The following INPP4B variants were observed in gnomAD, a reference collection of about 807,000 sequenced individuals.
INPP4B encodes the protein inositol polyphosphate 4-phosphatase type II.
In INPP4B, 55 loss-of-function variants were observed where a neutral mutation model predicts 122.5. The observed-to-expected ratio is 0.45, with a 90% CI of 0.36 to 0.56. The LOEUF (loss-of-function observed/expected upper bound fraction) is 0.56, where lower values mean the gene tolerates loss of function less well. INPP4B is among the 20% of genes least tolerant of loss of function. The pLI is 0.00. For missense variants in INPP4B, 1,000 were observed against 1,097.7 expected, an observed-to-expected ratio of 0.91 and a Z score of 1.26; for synonymous variants, 403 against 388.7, an observed-to-expected ratio of 1.04 and a Z score of -0.43.
At chr4:142,156,169 T>C (rs336393) in intron 17 of INPP4B, among the ~76,000 whole-genome samples, 102,780 of 151,632 alleles carry the variant, frequency 0.68, 38,817 homozygotes, top group East Asian at 0.9. Context: ...TAAGAATTGT[T>C]TTTCTAGTTT....
intron 2 of INPP4B, among the ~76,000 whole-genome samples, chr4:142,656,343 T>A (rs1754136553): frequency 6.6e-6 from 1 of 152,138 alleles, no homozygotes; most frequent in African/African-American, 2.4e-5. Flanking sequence ...CCTGCATCAT[T>A]TTTGGCGCCC....
chr4:142,029,812 A>G, intron 25 of INPP4B: 3 of 1,010,634 alleles, frequency 3.0e-6, no homozygotes, highest in Non-Finnish European at 3.5e-6. Flanking sequence ...TAATAAATTT[A>G]GTGGGATGAG....
intron 2 of INPP4B, among the ~76,000 whole-genome samples, chr4:142,628,407 G>T (rs1334647873): frequency 1.1e-5 from 1 of 93,410 alleles, no homozygotes; most frequent in Non-Finnish European, 2.1e-5. Context: ...TCTGGGGACT[G>T]TTGTGGGGTG....
chr4:142,119,760 C>T (rs1408231926), intron 21 of INPP4B, among the ~76,000 whole-genome samples: 1 of 151,558 alleles, frequency 6.6e-6, no homozygotes, highest in Non-Finnish European at 1.5e-5. Flanking sequence ...CAAACCTGCA[C>T]ATTGTGCACA....
At chr4:142,720,772 TC>T (rs1560996525) in intron 2 of INPP4B, among the ~76,000 whole-genome samples, 6 of 10,752 alleles carry the variant, frequency 5.6e-4, no homozygotes, top group African/African-American at 1.8e-3. Context: ...TCTCTCTCTC[TC>T]TCTCTCTCTC....
intron 9 of INPP4B, among the ~76,000 whole-genome samples, chr4:142,279,037 A>G (rs1237479835): frequency 6.6e-6 from 1 of 151,964 alleles, no homozygotes; most frequent in Admixed American, 6.6e-5. Flanking sequence ...AGAAATTGAA[A>G]TTTTAAAAAT....
intron 1 of INPP4B, among the ~76,000 whole-genome samples, chr4:142,818,441 C>CGTGTGTGT (rs10656794): frequency 1.3e-5 from 2 of 149,234 alleles, no homozygotes; most frequent in African/African-American, 5.0e-5. Flanking sequence ...GCAATTTAAA[C>CGTGTGTGT]GTGTGTGTGT....
chr4:142,473,443 C>T (rs1357508833), intron 2 of INPP4B: 1 of 152,338 alleles, frequency 6.6e-6, no homozygotes, highest in Non-Finnish European at 1.5e-5. Context: ...GGGACAAATG[C>T]AAGACTGGGA....
intron 2 of INPP4B, among the ~76,000 whole-genome samples, chr4:142,611,547 T>C (rs2150339398): frequency 6.6e-6 from 1 of 151,824 alleles, no homozygotes. Context: ...ATTTTTTCGT[T>C]TGTAAAAAAA....
rs11727850 is a variant in INPP4B, at chr4:142,402,509, T to G, written c.372+429A>C. Among the ~76,000 whole-genome samples, 744 of 152,276 alleles carry G rather than the reference T, an allele frequency of 4.9e-3. 3 individuals carry two copies. Among genetic ancestry groups the G allele is most frequent in the Admixed American group, 7.5e-3 (115 of 15,292 alleles). On this transcript the variant is annotated intron_variant, in intron 7 of 25. Coordinates refer to ENST00000262992, the MANE Select transcript of INPP4B (RefSeq NM_001101669.3). ...GTTTGCTTTGGTGCCAGTAACAACA[T>G]CAAGAAAAATGTAGTCAGTTTCTCT...
rs189697782 is a variant in INPP4B at position 142,244,541 on chromosome 4, G to A, written c.689-6530C>T. Among the ~76,000 whole-genome samples the A allele has an allele frequency of 2.6e-5, 4 of 151,964 alleles. No homozygotes were observed. The East Asian group carries it at 7.8e-4, about 30-fold the overall frequency. ...GATGGTCTTGAACTCCTGACCTCAT[G>A]ATGCACCTGCCTCAGCCTCCCAAAG... On this transcript the variant is annotated intron_variant, in intron 11 of 25. Coordinates refer to ENST00000262992, the MANE Select transcript of INPP4B (RefSeq NM_001101669.3).
At chr4:142,466,019 G>A (rs768784828) in intron 2 of INPP4B, among the ~76,000 whole-genome samples, 12 of 152,106 alleles carry the variant, frequency 7.9e-5, no homozygotes, top group Non-Finnish European at 1.3e-4. Flanking sequence ...CTAGCCTCAG[G>A]TATTCCTTTA....
chr4:142,192,354 A>AAAAG lies in INPP4B; in HGVS notation c.1181+732_1181+733insCTTT, dbSNP rs148371542. 6.6e-4 allele frequency among the ~76,000 whole-genome samples: 48 copies of AAAAG among 73,174 alleles called. 5 individuals carry two copies. Among genetic ancestry groups the AAAAG allele is most frequent in the Admixed American group, 9.9e-4 (5 of 5,026 alleles). The allele number at this position is 73,174 out of a possible 152,430, so 48.0% of individuals were successfully genotyped here. A position where few individuals can be genotyped will look rare whatever the true frequency, so the allele number is the denominator to read the frequency against. ...AAAGTAAAAAAAAAAAAAAAAAAAA[A>AAAAG]TGGGATTCTTAAGAAGAATAACTAT... On this transcript the variant is annotated intron_variant, in intron 15 of 25. Transcript: ENST00000262992.
intron 15 of INPP4B, among the ~76,000 whole-genome samples, chr4:142,183,046 C>G (rs1831583569): frequency 6.6e-6 from 1 of 152,130 alleles, no homozygotes; most frequent in South Asian, 2.1e-4. Flanking sequence ...GGTCCTTGCT[C>G]CCTGCCCAGC....
intron 7 of INPP4B, among the ~76,000 whole-genome samples, chr4:142,331,765 G>C (rs1329598039): frequency 1.3e-5 from 2 of 152,168 alleles, no homozygotes; most frequent in African/African-American, 4.8e-5. Flanking sequence ...TCCAGGGTCA[G>C]TTTTAAGTGC....
chr4:142,166,021 T>C (rs1822555781), intron 16 of INPP4B, among the ~76,000 whole-genome samples: 1 of 151,738 alleles, frequency 6.6e-6, no homozygotes, highest in African/African-American at 2.4e-5. Flanking sequence ...TAAGTCTTCT[T>C]TGGTGAAGTA....
rs185483393 is a variant in INPP4B at position 142,156,874 on chromosome 4, A to C, written c.1563+3484T>G. Among the ~76,000 whole-genome samples, 18 of 152,250 alleles carry C rather than the reference A, an allele frequency of 1.2e-4. 1 individual carries two copies. Among genetic ancestry groups the C allele is most frequent in the Admixed American group, 7.2e-4 (11 of 15,272 alleles). On this transcript the variant is annotated intron_variant, in intron 17 of 25. Transcript: ENST00000262992. ...TTTATTTGCTTCCCAAATACTTATT[A>C]TAAGAAGCTAAATACAGTTGTTCAA... is the stretch of plus-strand genomic sequence containing the variant.
chr4:142,716,258 A>G (rs1763745989), intron 2 of INPP4B, among the ~76,000 whole-genome samples: 1 of 152,230 alleles, frequency 6.6e-6, no homozygotes, highest in African/African-American at 2.4e-5. Flanking sequence ...ATTAATTAAA[A>G]TTGTTTAGTT....
Position 142,808,011 on chromosome 4 carries a change from C to A in INPP4B, c.-254+38198G>T, listed in dbSNP as rs150105247. On this transcript the variant is annotated intron_variant, in intron 1 of 25. Transcript: ENST00000262992. ...AAATATTTAAGTTGCCAAGTTCCAT[C>A]ATCTTCCATTACCACCTAAAATAAA... Among the ~76,000 whole-genome samples, 26 of 152,150 alleles carry A rather than the reference C, an allele frequency of 1.7e-4. No homozygotes were observed. The East Asian group carries it at 5.0e-3, about 30-fold the overall frequency.
Sources: allele counts gnomAD v4.1 joint callset (sites outside exome capture counted in the v4.1 genomes callset), GRCh38; gene constraint gnomAD v4.1.1; transcripts MANE v1.5; gene names NCBI Gene and HGNC (gene_info 2026-07-23, HGNC 2026-07-21).